Variants in MAP7D3 observed in about 807,000 individuals in gnomAD.
MAP7D3 encodes MAP7 domain containing 3.
MAP7D3 carries 45 observed loss-of-function variants against 62.2 expected under a neutral mutation model. The ratio of observed to expected loss-of-function variants is 0.72; its 90% CI spans 0.57 to 0.93. The LOEUF is 0.93. MAP7D3 is among the 40% of genes least tolerant of loss of function. The pLI is 0.00. For synonymous variants in MAP7D3, 288 were observed against 248.8 expected, an observed-to-expected ratio of 1.16 and a Z score of -1.48; for missense variants, 711 against 683.1, an observed-to-expected ratio of 1.04 and a Z score of -0.45.
chrX:136,231,206 T>C, intron 8 of MAP7D3: 1 of 333,207 alleles, frequency 3.0e-6, no homozygotes, highest in Non-Finnish European at 5.1e-6. Context: ...AATATTATCC[T>C]TCAAAACCAA....
At chrX:136,253,901 G>A (rs753217359), upstream of MAP7D3, among the ~76,000 whole-genome samples, 24 of 109,045 alleles carry the variant, frequency 2.2e-4, no homozygotes, top group South Asian at 7.2e-3. Context: ...CCAGCTACTC[G>A]GGAGGCTAAG....
At chrX:136,213,229 A>G (rs1428482442), downstream of MAP7D3, 1 of 111,939 alleles carries the variant, frequency 8.9e-6, no homozygotes, top group African/African-American at 3.2e-5. Flanking sequence ...CTCAGTACTT[A>G]GAAGGCATTT....
chrX:136,227,699 A>G (rs1429238269), intron 11 of MAP7D3, among the ~76,000 whole-genome samples: 1 of 110,673 alleles, frequency 9.0e-6, no homozygotes, highest in Non-Finnish European at 1.9e-5. Flanking sequence ...ACGTGAGAGG[A>G]ACTCATTCCT....
rs1167379452 is a variant in MAP7D3, at chrX:136,240,454, C to T, written c.568G>A (p.Glu190Lys). 3 of 1,197,741 alleles carry T rather than the reference C, an allele frequency of 2.5e-6. No individual in the cohort carries two copies. The highest frequency in any genetic ancestry group is 3.4e-6 in the Non-Finnish European group (3 of 883,291). ...CTGATTAAAGCAGAAGTACCCTGTT[C>T]AAGTTTTTCAGTAGATGCAGATCGT... ...NKRSASTEKL[E>K]QGTSALIRQM... is the part of the protein sequence containing the mutation. Residue 190 changes from glutamate to lysine, a missense_variant, in exon 6 of 19, where the codon GAA (glutamate) becomes AAA (lysine). By Grantham distance (56) the Glu-to-Lys change is moderately conservative. Coordinates refer to ENST00000316077, the MANE Select transcript of MAP7D3 (RefSeq NM_024597.4).
chrX:136,229,954 TTTG>T (rs1317018276), intron 10 of MAP7D3, among the ~76,000 whole-genome samples: 381 of 52,697 alleles, frequency 7.2e-3, no homozygotes, highest in Non-Finnish European at 0.013. Context: ...AATTTTTTTT[TTTG>T]TGTGTGTATA....
intron 6 of MAP7D3, among the ~76,000 whole-genome samples, chrX:136,236,709 C>A (rs2148413326): frequency 8.9e-6 from 1 of 111,853 alleles, no homozygotes; most frequent in East Asian, 2.8e-4. Flanking sequence ...TATACGTATA[C>A]ACACATGTAC....
chrX:136,229,031 G>C (rs1291349002), intron 10 of MAP7D3: 2 of 164,595 alleles, frequency 1.2e-5, no homozygotes, highest in Admixed American at 1.6e-4. Context: ...TGAGATAACT[G>C]AATCAACTGA....
At chrX:136,213,257 T>TTTA (rs1393200228), downstream of MAP7D3, 2 of 111,710 alleles carry the variant, frequency 1.8e-5, no homozygotes, top group East Asian at 5.6e-4. Context: ...GAATATGCGA[T>TTTA]TTTAAGAGTG....
intron 7 of MAP7D3, among the ~76,000 whole-genome samples, chrX:136,233,576 A>G (rs1305514961): frequency 9.6e-6 from 1 of 104,377 alleles, no homozygotes; most frequent in Non-Finnish European, 2.0e-5. Context: ...ACCTGGCCTA[A>G]TTAAACATTT....
chrX:136,251,496 C>G, upstream of MAP7D3: 1 of 836,206 alleles, frequency 1.2e-6, no homozygotes, highest in Non-Finnish European at 1.5e-6. Context: ...GAAGGGCCAC[C>G]GCGCCCGCCT....
chrX:136,228,123 A>G (rs1216380629), intron 11 of MAP7D3, among the ~76,000 whole-genome samples: 2 of 112,289 alleles, frequency 1.8e-5, no homozygotes, highest in Admixed American at 9.5e-5. Context: ...ACAACTGTAC[A>G]TGAGATTTGC....
intron 6 of MAP7D3, among the ~76,000 whole-genome samples, chrX:136,237,788 A>G (rs1016180429): frequency 2.7e-5 from 3 of 110,667 alleles, no homozygotes; most frequent in South Asian, 3.9e-4. Context: ...GGTTTGTGAC[A>G]TATGTATACA....
chrX:136,242,513 A>G (rs1390284867), intron 4 of MAP7D3, among the ~76,000 whole-genome samples: 1 of 108,841 alleles, frequency 9.2e-6, no homozygotes. Flanking sequence ...TAGCCTACTT[A>G]CAGTGTCCCA....
chrX:136,245,639 C>T (rs1448874466), intron 3 of MAP7D3, among the ~76,000 whole-genome samples: 1 of 109,672 alleles, frequency 9.1e-6, no homozygotes, highest in Non-Finnish European at 1.9e-5. Flanking sequence ...CCCAGTTACT[C>T]GGGAGGCTGA....
At chrX:136,250,846 C>T (rs1450051006) in intron 1 of MAP7D3, among the ~76,000 whole-genome samples, 1 of 111,707 alleles carries the variant, frequency 9.0e-6, no homozygotes, top group Non-Finnish European at 1.9e-5. Context: ...CGCGGAGTCC[C>T]TGCGGGCGCC....
upstream of MAP7D3, among the ~76,000 whole-genome samples, chrX:136,253,588 G>A (rs1022846164): frequency 1.8e-5 from 2 of 112,321 alleles, no homozygotes; most frequent in African/African-American, 6.5e-5. Context: ...AAGGGCATAC[G>A]TTACTGGCAT....
At chrX:136,250,868 G>C (rs1033946519) in intron 1 of MAP7D3, among the ~76,000 whole-genome samples, 16 of 111,852 alleles carry the variant, frequency 1.4e-4, no homozygotes, top group Non-Finnish European at 2.6e-4. Context: ...GCACATCCCA[G>C]GCAGCTGTGC....
chrX:136,234,445 T>C (rs924189311), intron 7 of MAP7D3, among the ~76,000 whole-genome samples: 1 of 111,657 alleles, frequency 9.0e-6, no homozygotes, highest in African/African-American at 3.3e-5. Context: ...TTGAAATGAG[T>C]GAAGGTTTTC....
intron 11 of MAP7D3, among the ~76,000 whole-genome samples, chrX:136,228,136 C>A (rs2074220370): frequency 8.9e-6 from 1 of 111,965 alleles, no homozygotes; most frequent in Non-Finnish European, 1.9e-5. Context: ...AGATTTGCTG[C>A]CCACAAAGGA....
Sources: allele counts gnomAD v4.1 joint callset (sites outside exome capture counted in the v4.1 genomes callset), GRCh38; gene constraint gnomAD v4.1.1; transcripts MANE v1.5; gene names NCBI Gene and HGNC (gene_info 2026-07-23, HGNC 2026-07-21).